The following TMEM117 variants were observed in gnomAD, a reference collection of about 807,000 sequenced individuals.
The protein encoded by TMEM117 is transmembrane protein 117.
A neutral mutation model predicts 52.4 loss-of-function variants in TMEM117; 27 were observed. The ratio of observed to expected loss-of-function variants is 0.51; its 90% confidence interval spans 0.38 to 0.71. TMEM117 has a LOEUF of 0.71. Among genes scored for constraint, TMEM117 ranks in the 30% least tolerant of loss-of-function variants. The pLI, the probability that TMEM117 is intolerant of heterozygous loss-of-function variation, is 0.00. For synonymous variants in TMEM117, 215 were observed against 206.3 expected (o/e 1.04, Z -0.36); for missense variants, 556 against 630.5 (o/e 0.88, Z 1.26).
At chr12:44,249,811 C>T (rs549090691) in intron 5 of TMEM117, among the ~76,000 whole-genome samples, 196 of 152,180 alleles carry the variant, frequency 1.3e-3, no homozygotes, top group Non-Finnish European at 2.4e-3. Flanking sequence ...GAAACTGGAC[C>T]CATTCCTTAC....
intron 5 of TMEM117, among the ~76,000 whole-genome samples, chr12:44,246,903 C>A (rs1950137928): frequency 6.6e-6 from 1 of 152,166 alleles, no homozygotes; most frequent in Non-Finnish European, 1.5e-5. Flanking sequence ...AAAAACATTG[C>A]TGGGCCCTGC....
intron 2 of TMEM117, among the ~76,000 whole-genome samples, chr12:43,920,895 C>T (rs895721719): frequency 3.3e-5 from 5 of 152,118 alleles, no homozygotes; most frequent in Admixed American, 3.3e-4. Context: ...GTCTGTCACC[C>T]TCCTGTGGTT....
chr12:44,316,415 T>G (rs551560404), intron 6 of TMEM117, among the ~76,000 whole-genome samples: 1 of 152,188 alleles, frequency 6.6e-6, no homozygotes, highest in Non-Finnish European at 1.5e-5. Flanking sequence ...GCCCCCAATC[T>G]CTTCTGGCTT....
chr12:43,935,407 T>G (rs1487736554), intron 2 of TMEM117, among the ~76,000 whole-genome samples: 1 of 152,236 alleles, frequency 6.6e-6, no homozygotes, highest in Non-Finnish European at 1.5e-5. Flanking sequence ...CTTCCAGCCA[T>G]AAGAAATAGG....
chr12:43,918,140 G>T (rs1362325986), intron 2 of TMEM117, among the ~76,000 whole-genome samples: 2 of 152,196 alleles, frequency 1.3e-5, no homozygotes, highest in African/African-American at 4.8e-5. Context: ...ACAGGGTGCT[G>T]CAGACTGCCT....
At chr12:44,094,313 C>T (rs1357666250) in intron 3 of TMEM117, among the ~76,000 whole-genome samples, 2 of 151,992 alleles carry the variant, frequency 1.3e-5, no homozygotes, top group Admixed American at 6.6e-5. Context: ...AAAAAATGTG[C>T]ACTTTGGTTA....
chr12:44,218,418 T>G (rs541918883), intron 5 of TMEM117, among the ~76,000 whole-genome samples: 1 of 152,274 alleles, frequency 6.6e-6, no homozygotes, highest in Non-Finnish European at 1.5e-5. Flanking sequence ...AGAAAAAGCA[T>G]TTGACAAAAG....
intron 5 of TMEM117, among the ~76,000 whole-genome samples, chr12:44,290,640 C>CT (rs1401714560): frequency 1.3e-5 from 2 of 152,014 alleles, no homozygotes; most frequent in East Asian, 1.9e-4. Flanking sequence ...CAGTTTTGTT[C>CT]TTTTTTATTT....
chr12:44,192,923 G>T (rs75198065), intron 4 of TMEM117, among the ~76,000 whole-genome samples: 1,752 of 152,208 alleles, frequency 0.012, 23 homozygotes, highest in South Asian at 0.052. Context: ...GGTCCTAAAA[G>T]GTACAAAGTG....
chr12:44,051,629 G>A (rs990975169), intron 3 of TMEM117, among the ~76,000 whole-genome samples: 2 of 152,132 alleles, frequency 1.3e-5, no homozygotes, highest in Non-Finnish European at 2.9e-5. Flanking sequence ...CAAATTATAT[G>A]ACAGTGGAAA....
intron 3 of TMEM117, among the ~76,000 whole-genome samples, chr12:44,128,541 C>T (rs1407289973): frequency 6.6e-6 from 1 of 152,196 alleles, no homozygotes; most frequent in Non-Finnish European, 1.5e-5. Context: ...ATAGCTGACC[C>T]TCTCCTTCAG....
At chr12:43,820,581 A>G in the TMEM117 span, among the ~76,000 whole-genome samples, 1 of 135,148 alleles carries the variant, frequency 7.4e-6, no homozygotes, top group East Asian at 2.2e-4. Flanking sequence ...CCACAGGCGT[A>G]TTTTTTTTTT....
intron 3 of TMEM117, among the ~76,000 whole-genome samples, chr12:43,967,197 G>A (rs1199746262): frequency 6.6e-6 from 1 of 151,352 alleles, no homozygotes; most frequent in Non-Finnish European, 1.5e-5. Context: ...CGCAGTCACA[G>A]CTCACTACAG....
intron 2 of TMEM117, among the ~76,000 whole-genome samples, chr12:43,906,860 C>T (rs1398183439): frequency 3.3e-5 from 5 of 152,318 alleles, no homozygotes; most frequent in Non-Finnish European, 4.4e-5. Context: ...CACGGAGTCT[C>T]GCTGATTGCT....
intron 4 of TMEM117, among the ~76,000 whole-genome samples, chr12:44,180,031 C>T (rs909723198): frequency 6.6e-6 from 1 of 152,112 alleles, no homozygotes; most frequent in Non-Finnish European, 1.5e-5. Context: ...TTATAACTAA[C>T]ACCACCTAGA....
the TMEM117 span, among the ~76,000 whole-genome samples, chr12:43,803,469 A>C: frequency 2.6e-5 from 4 of 152,250 alleles, no homozygotes; most frequent in East Asian, 7.7e-4. Flanking sequence ...AGATATAGGT[A>C]TTTATGATAC....
chr12:44,130,206 G>C (rs1191830599), intron 3 of TMEM117, among the ~76,000 whole-genome samples: 1 of 152,110 alleles, frequency 6.6e-6, no homozygotes. Flanking sequence ...AAATGTGAAG[G>C]CCGATTGCAC....
At chr12:43,952,083 A>C (rs752864449) in intron 3 of TMEM117, among the ~76,000 whole-genome samples, 43 of 152,190 alleles carry the variant, frequency 2.8e-4, no homozygotes, top group Middle Eastern at 3.2e-3. Context: ...AGAAAGCAAC[A>C]ATAACAACAG....
chr12:44,031,295 C>T (rs369548977), intron 3 of TMEM117, among the ~76,000 whole-genome samples: 1 of 152,072 alleles, frequency 6.6e-6, no homozygotes, highest in African/African-American at 2.4e-5. Flanking sequence ...TCATTGTGTG[C>T]CACAGAGGTA....
Sources: gnomAD v4.1 joint callset for allele counts (sites outside exome capture counted in the v4.1 genomes callset) on GRCh38, gnomAD v4.1.1 for gene constraint, MANE v1.5 for transcripts, NCBI Gene and HGNC (gene_info 2026-07-23, HGNC 2026-07-21) for gene names.